Variants in ZNF385B observed in about 807,000 individuals in gnomAD.
ZNF385B encodes zinc finger protein 533.
Under a neutral mutation model 39.2 loss-of-function variants are expected in ZNF385B, and 23 were observed. The ratio of observed to expected loss-of-function variants is 0.59; its 90% CI spans 0.42 to 0.83. ZNF385B has a LOEUF of 0.83. Ranked by LOEUF, ZNF385B falls within the 40% of genes least tolerant of loss-of-function variation. The pLI is 0.00. For missense variants in ZNF385B, 552 were observed against 598.9 expected, an observed-to-expected ratio of 0.92 and a Z score of 0.82; for synonymous variants, 205 against 222.6, an observed-to-expected ratio of 0.92 and a Z score of 0.70.
intron 3 of ZNF385B, among the ~76,000 whole-genome samples, chr2:179,653,619 T>C (rs568919504): frequency 2.0e-5 from 3 of 152,290 alleles, no homozygotes; most frequent in Non-Finnish European, 4.4e-5. Flanking sequence ...CTCTGACTGA[T>C]ACCACATACA....
At chr2:179,511,856 TG>T (rs2057712945) in intron 5 of ZNF385B, among the ~76,000 whole-genome samples, 1 of 152,164 alleles carries the variant, frequency 6.6e-6, no homozygotes, top group African/African-American at 2.4e-5. Flanking sequence ...ATAGGGATAT[TG>T]GATAACCTGA....
intron 3 of ZNF385B, among the ~76,000 whole-genome samples, chr2:179,718,886 T>G (rs901164084): frequency 2.6e-5 from 4 of 151,358 alleles, no homozygotes; most frequent in African/African-American, 9.7e-5. Flanking sequence ...TAATCACTCA[T>G]AGAAGCAGAC....
chr2:179,591,921 T>A (rs1450710404), intron 3 of ZNF385B, among the ~76,000 whole-genome samples: 1 of 152,132 alleles, frequency 6.6e-6, no homozygotes, highest in African/African-American at 2.4e-5. Flanking sequence ...AGCAGCTCAT[T>A]TTCTTTTTCC....
chr2:179,680,973 T>C (rs1207508388), intron 3 of ZNF385B, among the ~76,000 whole-genome samples: 1 of 152,140 alleles, frequency 6.6e-6, no homozygotes, highest in Non-Finnish European at 1.5e-5. Context: ...AAAGTGGCAG[T>C]GTTAAGTCTA....
At chr2:179,786,725 T>TA in intron 1 of ZNF385B, among the ~76,000 whole-genome samples, 1 of 151,980 alleles carries the variant, frequency 6.6e-6, no homozygotes, top group Non-Finnish European at 1.5e-5. Context: ...TTTGACTATT[T>TA]AAAGATATTT....
intron 3 of ZNF385B, among the ~76,000 whole-genome samples, chr2:179,634,681 G>T (rs1391423665): frequency 2.0e-5 from 3 of 152,126 alleles, no homozygotes; most frequent in African/African-American, 7.2e-5. Flanking sequence ...AATACCATTT[G>T]ACCCAGCAAT....
chr2:179,636,670 G>T (rs1318296344), intron 3 of ZNF385B, among the ~76,000 whole-genome samples: 1 of 152,146 alleles, frequency 6.6e-6, no homozygotes, highest in Non-Finnish European at 1.5e-5. Context: ...GCAATCATTT[G>T]TCTTGAGAGA....
intron 3 of ZNF385B, among the ~76,000 whole-genome samples, chr2:179,596,757 A>G (rs1490562780): frequency 1.3e-5 from 2 of 152,186 alleles, no homozygotes; most frequent in South Asian, 2.1e-4. Context: ...TGTCATCTGA[A>G]TAGACTGATA....
intron 3 of ZNF385B, among the ~76,000 whole-genome samples, chr2:179,550,446 A>G (rs2060496005): frequency 6.7e-6 from 1 of 149,670 alleles, no homozygotes; most frequent in African/African-American, 2.5e-5. Flanking sequence ...TCAAATCTCT[A>G]TGCTAATAAA....
chr2:179,767,345 A>G (rs569767422), intron 3 of ZNF385B, among the ~76,000 whole-genome samples: 14 of 152,218 alleles, frequency 9.2e-5, no homozygotes, highest in Admixed American at 2.6e-4. Context: ...CTATCCTTCT[A>G]TGGTTTCCCA....
rs190023445 is a variant in ZNF385B, at chr2:179,557,084, C to T, written c.299-12115G>A. On this transcript the variant is annotated intron_variant, in intron 3 of 9. Transcript: ENST00000410066. The stretch of plus-strand genomic sequence containing the variant: ...AGAGGTAAGCATAATTAGGAATCTA[C>T]CCTTCATTTTGTATAACAAAAATGG... Among the ~76,000 whole-genome samples the T allele has an allele frequency of 4.0e-4, 60 of 149,032 alleles. 8 individuals carry two copies. Among genetic ancestry groups the T allele is most frequent in the African/African-American group, 1.5e-3 (58 of 39,482 alleles).
intron 3 of ZNF385B, among the ~76,000 whole-genome samples, chr2:179,646,441 A>G (rs1306091369): frequency 1.3e-5 from 2 of 152,038 alleles, no homozygotes; most frequent in African/African-American, 4.8e-5. Context: ...TAAGCAAAAA[A>G]CCCTGAACCT....
chr2:179,490,379 G>C (rs1295358848), intron 5 of ZNF385B, among the ~76,000 whole-genome samples: 1 of 151,774 alleles, frequency 6.6e-6, no homozygotes, highest in African/African-American at 2.4e-5. Flanking sequence ...CTTCAATGTA[G>C]GCAAAATTCA....
At position 179,807,929 on chromosome 2, in the gene ZNF385B, AGAAG is replaced by A. The variant is rs1553538062; in HGVS notation, c.-154-37261_-154-37258del. The stretch of plus-strand genomic sequence containing the variant: ...AAGAAAGAAAGAAAGAAAGAAAGAA[AGAAG>A]GAAGGAAGGAAGGAAGGAAAGAATA... On this transcript the variant is annotated intron_variant, in intron 1 of 9. Transcript: ENST00000410066. Among the ~76,000 whole-genome samples the A allele has an allele frequency of 7.1e-3, 824 of 116,434 alleles. 11 individuals are homozygous for A. The highest frequency in any genetic ancestry group is 0.023 in the African/African-American group (771 of 34,232). The allele number at this position is 116,434 out of a possible 152,430, so 76.4% of individuals were successfully genotyped here. A position where few individuals can be genotyped will look rare whatever the true frequency, so the allele number is the denominator to read the frequency against.
At chr2:179,666,898 CTGT>C (rs144877676) in intron 3 of ZNF385B, among the ~76,000 whole-genome samples, 27,818 of 151,976 alleles carry the variant, frequency 0.18, 2,949 homozygotes, top group Admixed American at 0.24. Flanking sequence ...ATACCTGTAG[CTGT>C]TGTTGTTGTT....
At chr2:179,769,947 G>T (rs1017203485) in intron 2 of ZNF385B, 145 bp from the exon 3 acceptor site, 2 of 726,842 alleles carry the variant, frequency 2.8e-6, no homozygotes, top group South Asian at 2.0e-5. Context: ...ATCATCAAAA[G>T]TACCTAAGTA....
At chr2:179,750,257 C>A (rs1702596426) in intron 3 of ZNF385B, among the ~76,000 whole-genome samples, 1 of 152,064 alleles carries the variant, frequency 6.6e-6, no homozygotes, top group East Asian at 1.9e-4. Context: ...TTCCAAAATT[C>A]TCTACTCTCA....
chr2:179,838,050 A>G (rs1196525874), intron 1 of ZNF385B, among the ~76,000 whole-genome samples: 1 of 151,944 alleles, frequency 6.6e-6, no homozygotes, highest in East Asian at 1.9e-4. Flanking sequence ...AATTCTTTAA[A>G]AACATAAATC....
At chr2:179,814,516 A>C (rs1351746398) in intron 1 of ZNF385B, 1 of 718,326 alleles carries the variant, frequency 1.4e-6, no homozygotes. Context: ...AGGAACAAGC[A>C]CATCATGGTT....
Sources: gnomAD v4.1 joint callset for allele counts (sites outside exome capture counted in the v4.1 genomes callset) on GRCh38, gnomAD v4.1.1 for gene constraint, MANE v1.5 for transcripts, NCBI Gene and HGNC (gene_info 2026-07-23, HGNC 2026-07-21) for gene names.